RBM25: variants seen among roughly 807,000 people sequenced by gnomAD.
RBM25 encodes RNA binding motif protein 25.
In RBM25, 19 loss-of-function variants were observed where a neutral mutation model predicts 120.7. That is an observed-to-expected ratio of 0.16 (90% CI 0.11 to 0.23). The LOEUF (loss-of-function observed/expected upper bound fraction) is 0.23, where lower values mean the gene tolerates loss of function less well. Ranked by LOEUF, RBM25 falls within the 10% of genes least tolerant of loss-of-function variation. The probability of loss-of-function intolerance (pLI) is 1.00; values close to 1 mark genes in which losing one functional copy is unlikely to be tolerated. For missense variants in RBM25, 605 were observed against 1,041.5 expected (o/e 0.58, Z 5.77); for synonymous variants, 390 against 326.7 (o/e 1.19, Z -2.09).
intron 6 of RBM25, among the ~76,000 whole-genome samples, chr14:73,096,218 G>A (rs909741973): frequency 5.3e-4 from 81 of 152,010 alleles, no homozygotes; most frequent in Non-Finnish European, 7.5e-4. Context: ...CTCATGATCC[G>A]CCCCCGCCTC....
rs1594927310 is a variant in RBM25, at chr14:73,103,304, G to A, written c.980G>A (p.Arg327Gln). The A allele has an allele frequency of 6.3e-7, 1 of 1,583,318 alleles. No individual in the cohort carries two copies. Among genetic ancestry groups the A allele is most frequent in the Non-Finnish European group, 8.6e-7 (1 of 1,163,336 alleles). The change falls in exon 10 of 19, where the codon CGA becomes CAA. Residue 327 changes from arginine to glutamine, a missense_variant. Physicochemically the swap from Arg to Gln is conservative, Grantham distance 43 (BLOSUM62 1). Around this residue, in one of 4 missense-constraint regions of RBM25, gnomAD observed 465 missense variants for 741.6 expected, o/e 0.63. Transcript: ENST00000261973. ...GAACGAGAAAGGCGAGAACGGGAACGAGAAAGGGAAAGAGAACGTGAACGA... is the reference window on the plus strand; with the variant it reads ...GAACGAGAAAGGCGAGAACGGGAACAAGAAAGGGAAAGAGAACGTGAACGA... ...ERERERRERE[R>Q]EREREREREK... is the part of the protein sequence containing the mutation.
At chr14:73,113,825 A>G (rs962207102) in intron 17 of RBM25, among the ~76,000 whole-genome samples, 1 of 152,232 alleles carries the variant, frequency 6.6e-6, no homozygotes, top group African/African-American at 2.4e-5. Flanking sequence ...GCTATGTTTT[A>G]TACTGAGTCT....
chr14:73,111,898 T>G (rs1048026880), intron 16 of RBM25, 96 bp downstream of exon 16: 97 of 1,369,032 alleles, frequency 7.1e-5, no homozygotes, highest in Non-Finnish European at 9.5e-5. Flanking sequence ...TTGATTCTAT[T>G]AATGACAAAT....
At chr14:73,111,251 G>A in intron 15 of RBM25, 96 bp downstream of exon 15, 1 of 1,103,812 alleles carries the variant, frequency 9.1e-7, no homozygotes, top group Non-Finnish European at 1.3e-6. Flanking sequence ...TTTGTGCTTG[G>A]TTAGGTAGAT....
chr14:73,102,133 A>G (rs933322707), intron 9 of RBM25: 3 of 152,264 alleles, frequency 2.0e-5, no homozygotes, highest in Non-Finnish European at 2.9e-5. Flanking sequence ...CTGAGAAAAG[A>G]AAAATGCACA....
Position 73,122,547 on chromosome 14 carries a change from A to G in RBM25, c.*2742A>G, listed in dbSNP as rs1468267814. ...CGCCTCAGCCTCCCAAAGTGCTGGT[A>G]TTACAGGCGTGAGCCACCTTGCCTG... On this transcript the variant is annotated 3_prime_UTR_variant, in exon 19 of 19. Transcript: ENST00000261973. 3 of 152,212 alleles carry G rather than the reference A, an allele frequency of 2.0e-5. No homozygotes were observed. Among genetic ancestry groups the G allele is most frequent in the African/African-American group, 7.2e-5 (3 of 41,424 alleles). 9.4% of individuals were successfully genotyped at this position (152,212 alleles called of 1,614,324 possible). A position where few individuals can be genotyped will look rare whatever the true frequency, so the allele number is the denominator to read the frequency against.
intron 9 of RBM25, chr14:73,102,549 T>TA (rs1190318689): frequency 6.6e-6 from 1 of 152,282 alleles, no homozygotes; most frequent in African/African-American, 2.4e-5. Context: ...CTATTACAGT[T>TA]ACATATATTT....
At chr14:73,117,216 T>TTTTTTTTTTTTTTTTTTTTTTTTTTTTTG (rs1896452151) in intron 18 of RBM25, among the ~76,000 whole-genome samples, 1 of 22,018 alleles carries the variant, frequency 4.5e-5, no homozygotes, top group Non-Finnish European at 9.6e-5. Context: ...TTTTCTTTTT[T>TTTTTTTTTTTTTTTTTTTTTTTTTTTTTG]TTTTTTTTTT....
At chr14:73,111,930 CACCA>C in intron 16 of RBM25, 128 bp downstream of exon 16, 3 of 1,252,588 alleles carry the variant, frequency 2.4e-6, no homozygotes, top group Non-Finnish European at 3.3e-6. Flanking sequence ...ATCATCTTGA[CACCA>C]ACTCAATGCC....
At chr14:73,099,278 A>C (rs74062640) in intron 7 of RBM25, 102 bp from the exon 8 acceptor site, 14 of 998,256 alleles carry the variant, frequency 1.4e-5, no homozygotes, top group South Asian at 9.1e-5. Context: ...ACAGAAGTGT[A>C]CTGTATTGTT....
intron 6 of RBM25, among the ~76,000 whole-genome samples, chr14:73,095,507 A>G (rs972198172): frequency 1.3e-5 from 2 of 151,842 alleles, no homozygotes; most frequent in Non-Finnish European, 2.9e-5. Flanking sequence ...TCAGGAGGCT[A>G]AGGCAGGAGA....
At chr14:73,113,031 G>C (rs531039694) in intron 17 of RBM25, among the ~76,000 whole-genome samples, 2 of 151,710 alleles carry the variant, frequency 1.3e-5, no homozygotes, top group Middle Eastern at 3.4e-3. Context: ...TATGCATAAC[G>C]TGCAGGTTTG....
chr14:73,091,897 A>T (rs535644425), intron 6 of RBM25, among the ~76,000 whole-genome samples: 1 of 152,138 alleles, frequency 6.6e-6, no homozygotes, highest in Non-Finnish European at 1.5e-5. Flanking sequence ...GCGAAGTTAC[A>T]TGCAATAAAA....
At chr14:73,098,925 G>C (rs1022724695) in intron 7 of RBM25, among the ~76,000 whole-genome samples, 5 of 152,188 alleles carry the variant, frequency 3.3e-5, no homozygotes, top group Non-Finnish European at 5.9e-5. Context: ...TTCTAAGGAG[G>C]TGTATTCTGT....
intron 4 of RBM25, among the ~76,000 whole-genome samples, chr14:73,079,382 C>T (rs1243228016): frequency 6.6e-6 from 1 of 150,670 alleles, no homozygotes; most frequent in Non-Finnish European, 1.5e-5. Flanking sequence ...GAGATGGCGC[C>T]ACTGCACTCC....
At chr14:73,103,524 C>G (rs374968746) in intron 10 of RBM25, 46 bp downstream of exon 10, 28 of 1,527,878 alleles carry the variant, frequency 1.8e-5, no homozygotes, top group Non-Finnish European at 2.5e-5. Context: ...TTTAAGAAAA[C>G]TATCGGGTAG....
chr14:73,068,213 C>T (rs1895188679), intron 1 of RBM25: 1 of 861,618 alleles, frequency 1.2e-6, no homozygotes, highest in Admixed American at 1.8e-5. Flanking sequence ...ACAAATGTTT[C>T]CATTGATACA....
intron 2 of RBM25, among the ~76,000 whole-genome samples, chr14:73,073,037 C>T (rs1424891676): frequency 6.6e-6 from 1 of 152,110 alleles, no homozygotes; most frequent in Non-Finnish European, 1.5e-5. Context: ...CATCTCAGCC[C>T]TCCTGAGGAG....
chr14:73,105,429 A>C (rs182294620), intron 10 of RBM25, among the ~76,000 whole-genome samples: 1 of 152,304 alleles, frequency 6.6e-6, no homozygotes, highest in South Asian at 2.1e-4. Context: ...ATGTGCCAGC[A>C]CTTACTCCTT....
Sources: gnomAD v4.1 joint callset for allele counts (sites outside exome capture counted in the v4.1 genomes callset) on GRCh38, gnomAD v4.1.1 for gene constraint, gnomAD v4.1.1 regional missense constraint, MANE v1.5 for transcripts, NCBI Gene and HGNC (gene_info 2026-07-23, HGNC 2026-07-21) for gene names.